Variants in POPDC1 observed in about 807,000 individuals in gnomAD.
POPDC1 encodes the protein popeye domain-containing protein 1.
the POPDC1 span, chr6:105,100,578 GTA>G: frequency 0.11 from 15,192 of 138,776 alleles, 809 homozygotes; most frequent in Middle Eastern, 0.19. Context: ...ATGTATGTAT[GTA>G]TGTGTGTGTG....
the POPDC1 span, among the ~76,000 whole-genome samples, chr6:105,109,959 A>G: frequency 3.3e-5 from 5 of 151,856 alleles, no homozygotes; most frequent in African/African-American, 1.2e-4. Flanking sequence ...TAACTTGATA[A>G]TTTAAACAAT....
the POPDC1 span, among the ~76,000 whole-genome samples, chr6:105,121,928 A>C: frequency 9.2e-5 from 14 of 152,356 alleles, 1 homozygote; most frequent in African/African-American, 3.1e-4. Context: ...AGTTAGGGAA[A>C]GATGAGCTTA....
At chr6:105,126,231 A>T in the POPDC1 span, among the ~76,000 whole-genome samples, 2 of 151,448 alleles carry the variant, frequency 1.3e-5, no homozygotes, top group African/African-American at 4.9e-5. Context: ...GGTATCAAAA[A>T]AAAATAAAAA....
the POPDC1 span, among the ~76,000 whole-genome samples, chr6:105,104,533 A>T: frequency 6.6e-6 from 1 of 152,140 alleles, no homozygotes; most frequent in African/African-American, 2.4e-5. Flanking sequence ...GGAAAAAGAC[A>T]TGGACATCAC....
the POPDC1 span, among the ~76,000 whole-genome samples, chr6:105,101,543 T>C: frequency 6.6e-6 from 1 of 152,326 alleles, no homozygotes; most frequent in South Asian, 2.1e-4. Flanking sequence ...CCTACATTAA[T>C]ATCATACATG....
At chr6:105,126,318 G>T in the POPDC1 span, among the ~76,000 whole-genome samples, 1 of 151,806 alleles carries the variant, frequency 6.6e-6, no homozygotes, top group African/African-American at 2.4e-5. Context: ...TATAGTCCTG[G>T]GTACTTGGGA....
chr6:105,109,818 AT>A, the POPDC1 span, among the ~76,000 whole-genome samples: 1 of 151,230 alleles, frequency 6.6e-6, no homozygotes, highest in African/African-American at 2.4e-5. Flanking sequence ...ACGGCACATC[AT>A]TTGGCACTGT....
the POPDC1 span, among the ~76,000 whole-genome samples, chr6:105,102,584 C>A: frequency 2.0e-5 from 3 of 152,198 alleles, no homozygotes; most frequent in Non-Finnish European, 4.4e-5. Flanking sequence ...CAAATCCCTA[C>A]TCTGCAACCT....
At chr6:105,108,976 T>C in the POPDC1 span, among the ~76,000 whole-genome samples, 1 of 152,072 alleles carries the variant, frequency 6.6e-6, no homozygotes, top group Admixed American at 6.5e-5. Flanking sequence ...ACATTTATTT[T>C]TTTTGAGCAG....
At chr6:105,131,572 T>C in the POPDC1 span, among the ~76,000 whole-genome samples, 1 of 152,140 alleles carries the variant, frequency 6.6e-6, no homozygotes, top group Non-Finnish European at 1.5e-5. Context: ...CATGCCACCA[T>C]GCCTAGATAA....
the POPDC1 span, among the ~76,000 whole-genome samples, chr6:105,109,643 C>T: frequency 6.6e-6 from 1 of 150,950 alleles, no homozygotes; most frequent in Non-Finnish European, 1.5e-5. Flanking sequence ...AAGGCTGAGG[C>T]GGGAGGACAT....
the POPDC1 span, among the ~76,000 whole-genome samples, chr6:105,126,985 A>G: frequency 6.6e-6 from 1 of 152,210 alleles, no homozygotes; most frequent in South Asian, 2.1e-4. Flanking sequence ...CTGTTGTCAG[A>G]TTCTCCAAAG....
At chr6:105,114,083 CAGAG>C in the POPDC1 span, among the ~76,000 whole-genome samples, 1 of 152,154 alleles carries the variant, frequency 6.6e-6, no homozygotes, top group African/African-American at 2.4e-5. Flanking sequence ...GATGTCGAGG[CAGAG>C]AGAATTCTGT....
the POPDC1 span, among the ~76,000 whole-genome samples, chr6:105,107,657 T>C: frequency 6.6e-6 from 1 of 152,244 alleles, no homozygotes; most frequent in Non-Finnish European, 1.5e-5. Context: ...TTTAATGACG[T>C]TTTCTCCATT....
chr6:105,125,741 G>A, the POPDC1 span, among the ~76,000 whole-genome samples: 1 of 152,306 alleles, frequency 6.6e-6, no homozygotes, highest in East Asian at 1.9e-4. Flanking sequence ...GTGAAATGGT[G>A]ATAGAAGTTT....
the POPDC1 span, among the ~76,000 whole-genome samples, chr6:105,104,513 T>C: frequency 5.2e-4 from 79 of 152,242 alleles, no homozygotes; most frequent in African/African-American, 1.9e-3. Flanking sequence ...GAAAGGATCC[T>C]GAGGATGAGG....
chr6:105,104,967 G>A, the POPDC1 span, among the ~76,000 whole-genome samples: 3,901 of 152,256 alleles, frequency 0.026, 158 homozygotes, highest in African/African-American at 0.09. Flanking sequence ...TATTTCTACT[G>A]TATATTCAGA....
chr6:105,109,671 G>C, the POPDC1 span, among the ~76,000 whole-genome samples: 1 of 150,282 alleles, frequency 6.7e-6, no homozygotes, highest in African/African-American at 2.4e-5. Flanking sequence ...CTGGGAGGCG[G>C]GAGGACATCT....
the POPDC1 span, among the ~76,000 whole-genome samples, chr6:105,113,744 C>G: frequency 1.3e-5 from 2 of 151,508 alleles, no homozygotes; most frequent in Non-Finnish European, 2.9e-5. Flanking sequence ...TCCCAGCACC[C>G]GAGGCGGGTG....
Sources: allele counts gnomAD v4.1 joint callset (sites outside exome capture counted in the v4.1 genomes callset), GRCh38; gene constraint gnomAD v4.1.1; transcripts MANE v1.5; gene names NCBI Gene and HGNC (gene_info 2026-07-23, HGNC 2026-07-21).